Variants in FSTL4 observed in about 807,000 individuals in gnomAD.
The protein encoded by FSTL4 is follistatin like 4.
FSTL4 carries 28 observed loss-of-function variants against 78.2 expected under a neutral mutation model. That is an observed-to-expected ratio of 0.36 (90% CI 0.27 to 0.49). FSTL4 has a LOEUF of 0.49. Ranked by LOEUF, FSTL4 falls within the 20% of genes least tolerant of loss-of-function variation. The probability of loss-of-function intolerance (pLI) is 0.98; values close to 1 mark genes in which losing one functional copy is unlikely to be tolerated. For synonymous variants in FSTL4, 422 were observed against 440.5 expected (o/e 0.96, Z 0.53); for missense variants, 922 against 1,084.9 (o/e 0.85, Z 2.11).
chr5:133,321,827 T>C (rs1220186632), intron 4 of FSTL4, among the ~76,000 whole-genome samples: 25 of 152,194 alleles, frequency 1.6e-4, no homozygotes, highest in Non-Finnish European at 3.7e-4. Flanking sequence ...AACCTTGACG[T>C]CCATGCCTTG....
the FSTL4 span, among the ~76,000 whole-genome samples, chr5:133,838,655 TG>T: frequency 6.6e-6 from 1 of 152,234 alleles, no homozygotes; most frequent in African/African-American, 2.4e-5. Context: ...TGCTACCACA[TG>T]GAAGCTTCAG....
At chr5:133,249,779 A>G (rs920142451) in intron 6 of FSTL4, among the ~76,000 whole-genome samples, 22 of 152,264 alleles carry the variant, frequency 1.4e-4, no homozygotes, top group Non-Finnish European at 5.9e-5. Context: ...TCAAATGCCC[A>G]AAAGGCTATG....
intron 6 of FSTL4, among the ~76,000 whole-genome samples, chr5:133,297,800 C>A (rs1011718963): frequency 6.6e-6 from 1 of 152,180 alleles, no homozygotes; most frequent in African/African-American, 2.4e-5. Flanking sequence ...CTGGACTCTG[C>A]TGGGTAGCAC....
At chr5:133,532,774 T>C (rs1203235170) in intron 3 of FSTL4, among the ~76,000 whole-genome samples, 1 of 152,184 alleles carries the variant, frequency 6.6e-6, no homozygotes, top group Admixed American at 6.5e-5. Context: ...CCTGTGGCCA[T>C]CCTGGCTCAG....
At chr5:133,313,336 C>A (rs987536102) in intron 5 of FSTL4, among the ~76,000 whole-genome samples, 5 of 152,296 alleles carry the variant, frequency 3.3e-5, no homozygotes, top group African/African-American at 1.2e-4. Flanking sequence ...GAGCTTCCCC[C>A]CTGCCTGCCT....
intron 4 of FSTL4, among the ~76,000 whole-genome samples, chr5:133,324,543 C>A (rs1481880441): frequency 6.6e-6 from 1 of 152,248 alleles, no homozygotes; most frequent in Non-Finnish European, 1.5e-5. Context: ...CTCTTGCCAG[C>A]CTTCTCCAGC....
chr5:133,671,929 A>G, the FSTL4 span, among the ~76,000 whole-genome samples: 7 of 152,240 alleles, frequency 4.6e-5, no homozygotes, highest in South Asian at 2.1e-4. Context: ...TATTATGGCT[A>G]GCAGATATTT....
intron 2 of FSTL4, among the ~76,000 whole-genome samples, chr5:133,594,953 T>G (rs1029104847): frequency 5.9e-5 from 9 of 152,226 alleles, no homozygotes; most frequent in Admixed American, 4.6e-4. Context: ...TTCTGCTCCT[T>G]TCTGCCCTCT....
chr5:133,673,102 T>C, the FSTL4 span, among the ~76,000 whole-genome samples: 1 of 152,190 alleles, frequency 6.6e-6, no homozygotes, highest in Non-Finnish European at 1.5e-5. Flanking sequence ...GAGTTTCTGA[T>C]GAGACTTTCC....
intron 3 of FSTL4, among the ~76,000 whole-genome samples, chr5:133,405,851 G>A (rs1019010926): frequency 6.6e-6 from 1 of 152,224 alleles, no homozygotes; most frequent in Non-Finnish European, 1.5e-5. Context: ...CTAAGATGGG[G>A]TGGGTGGTAA....
At chr5:133,680,562 A>G in the FSTL4 span, among the ~76,000 whole-genome samples, 1 of 152,172 alleles carries the variant, frequency 6.6e-6, no homozygotes, top group African/African-American at 2.4e-5. Context: ...CCTCTTCTTG[A>G]TGATCTCATA....
chr5:133,561,314 G>A (rs570103036), intron 3 of FSTL4, among the ~76,000 whole-genome samples: 23 of 151,890 alleles, frequency 1.5e-4, no homozygotes, highest in African/African-American at 5.5e-4. Context: ...CCTGTCCTGT[G>A]CCAAGGCGTC....
At chr5:133,475,873 T>C (rs138888792) in intron 3 of FSTL4, among the ~76,000 whole-genome samples, 3 of 152,016 alleles carry the variant, frequency 2.0e-5, no homozygotes, top group Non-Finnish European at 4.4e-5. Context: ...CTCTCACGCG[T>C]GTGTGAGAGT....
intron 3 of FSTL4, among the ~76,000 whole-genome samples, chr5:133,503,938 A>C (rs1758558661): frequency 6.6e-6 from 1 of 152,222 alleles, no homozygotes; most frequent in South Asian, 2.1e-4. Context: ...TCATGGCAGA[A>C]GGGGAAGAAA....
rs77249816 is a variant in FSTL4 at position 133,606,509 on chromosome 5, G to A, written c.-10-2516C>T. Among the ~76,000 whole-genome samples, 1,359 of 152,318 alleles carry A rather than the reference G, an allele frequency of 8.9e-3. 11 individuals are homozygous for A. Among genetic ancestry groups the A allele is most frequent in the South Asian group, 0.016 (75 of 4,818 alleles). The stretch of plus-strand genomic sequence containing the variant: ...TCTGAATGCAGAGCCACTTTCCAGA[G>A]ACTGCAGAAAACAGCGAGTGGATTT... On this transcript the variant is annotated intron_variant, in intron 1 of 15. Transcript: ENST00000265342.
intron 3 of FSTL4, among the ~76,000 whole-genome samples, chr5:133,403,851 AC>A (rs1234916717): frequency 2.0e-5 from 3 of 151,976 alleles, no homozygotes; most frequent in Non-Finnish European, 4.4e-5. Flanking sequence ...ACTTTCCCTG[AC>A]CCCCTCCTTT....
chr5:133,545,386 G>A (rs1759555490), intron 3 of FSTL4, among the ~76,000 whole-genome samples: 1 of 152,156 alleles, frequency 6.6e-6, no homozygotes, highest in Non-Finnish European at 1.5e-5. Flanking sequence ...TTAGTTACAA[G>A]AGTGTGTTAT....
chr5:133,763,452 G>T, the FSTL4 span, among the ~76,000 whole-genome samples: 1 of 152,092 alleles, frequency 6.6e-6, no homozygotes, highest in Non-Finnish European at 1.5e-5. Flanking sequence ...AATTCCCTTC[G>T]TGCATTTATC....
chr5:133,461,988 T>C (rs1757603838), intron 3 of FSTL4, among the ~76,000 whole-genome samples: 1 of 152,202 alleles, frequency 6.6e-6, no homozygotes, highest in African/African-American at 2.4e-5. Context: ...GCACAGGCCC[T>C]GCTGCCAGCC....
Sources: gnomAD v4.1 joint callset for allele counts (sites outside exome capture counted in the v4.1 genomes callset) on GRCh38, gnomAD v4.1.1 for gene constraint, MANE v1.5 for transcripts, NCBI Gene and HGNC (gene_info 2026-07-23, HGNC 2026-07-21) for gene names.